ATG9B: variants seen among roughly 807,000 people sequenced by gnomAD.
The protein encoded by ATG9B is autophagy-related protein 9B.
Under a neutral mutation model 92.9 loss-of-function variants are expected in ATG9B, and 92 were observed. That is an observed-to-expected ratio of 0.99 (90% CI 0.84 to 1.18). The LOEUF (loss-of-function observed/expected upper bound fraction) is 1.18, where lower values mean the gene tolerates loss of function less well. Ranked by LOEUF, ATG9B falls within the 50% of genes most tolerant of loss-of-function variation. The probability of loss-of-function intolerance (pLI) is 0.00; values close to 1 mark genes in which losing one functional copy is unlikely to be tolerated. For missense variants in ATG9B, 1,344 were observed against 1,235.0 expected, an observed-to-expected ratio of 1.09 and a Z score of -1.32; for synonymous variants, 599 against 551.4, an observed-to-expected ratio of 1.09 and a Z score of -1.21.
downstream of ATG9B, chr7:151,013,432 G>T (rs1795352312): frequency 1.3e-6 from 2 of 1,564,402 alleles, no homozygotes; most frequent in South Asian, 1.2e-5. Context: ...GAGAGGGGAG[G>T]ACTCGCGCTC....
Position 151,018,147 on chromosome 7 carries a change from A to G in ATG9B, c.1873-97T>C. The G allele has an allele frequency of 1.4e-6, 2 of 1,468,960 alleles. No homozygotes were observed. The highest frequency in any genetic ancestry group is 1.8e-6 in the Non-Finnish European group (2 of 1,108,820). The allele number at this position is 1,468,960 out of a possible 1,614,324, so 91.0% of individuals were successfully genotyped here. A position where few individuals can be genotyped will look rare whatever the true frequency, so the allele number is the denominator to read the frequency against. Reference sequence around the variant, plus strand: ...CCCAGCGACCCTCGCCAGGGCAAGAAGCCTCCCCACCCAGTCACTCCCTAG... The same window carrying G: ...CCCAGCGACCCTCGCCAGGGCAAGAGGCCTCCCCACCCAGTCACTCCCTAG... On this transcript the variant is annotated intron_variant, in intron 7 of 13. Transcript: ENST00000639579. This position sits in a 1 kb window ranked among gnomAD's most constrained non-coding sequence, Gnocchi z 4.7.
downstream of ATG9B, chr7:151,014,129 G>C: frequency 6.2e-7 from 1 of 1,612,192 alleles, no homozygotes; most frequent in Non-Finnish European, 8.5e-7. Flanking sequence ...GCAGTGCCCT[G>C]GGCGTTCGAC....
At chr7:151,020,677 G>C (rs1450166113) in intron 5 of ATG9B, among the ~76,000 whole-genome samples, 2 of 152,254 alleles carry the variant, frequency 1.3e-5, no homozygotes, top group Non-Finnish European at 2.9e-5. Context: ...AGCATAAGCA[G>C]TGGACAGTGA....
intron 9 of ATG9B, 107 bp from the exon 10 acceptor site, chr7:151,016,928 G>A (rs1795516473): frequency 2.7e-6 from 4 of 1,505,654 alleles, no homozygotes; most frequent in East Asian, 4.7e-5. Flanking sequence ...CAGGCTGGGG[G>A]CGGGGGCTGG....
chr7:151,023,733 GGGCACAGA>G lies in ATG9B; in HGVS notation c.551-11_551-4del. The stretch of plus-strand genomic sequence containing the variant: ...GTTCTGGATGTGATGCCAGGAGCCT[GGGCACAGA>G]GGGGAGAGTGTCAGCCCCTGGCATG... On this transcript the variant is annotated splice_polypyrimidine_tract_variant and splice_region_variant and intron_variant, in intron 1 of 13. Transcript: ENST00000639579. 1.9e-6 allele frequency: 3 copies of G among 1,614,032 alleles called. No individual in the cohort carries two copies. The South Asian group carries it at 3.3e-5, about 18-fold the overall frequency.
In ATG9B at chr7:151,023,973, AATCCTGTTCAGGG is replaced by A; in HGVS notation, c.438_450del (p.Pro147MetfsTer109). On this transcript the variant is annotated frameshift_variant, in exon 1 of 14. Coordinates refer to ENST00000639579, the MANE Select transcript of ATG9B (RefSeq NM_001317056.2). LOFTEE classifies it high-confidence loss of function. ...GGGTCACAGTCCTCCAGCCGCTCAT[AATCCTGTTCAGGG>A]ATCAAAGGGCCTACCCGCAGCCCAG... is the stretch of plus-strand genomic sequence containing the variant. The A allele has an allele frequency of 1.3e-6, 2 of 1,591,884 alleles. No individual in the cohort carries two copies. Among genetic ancestry groups the A allele is most frequent in the South Asian group, 2.3e-5 (2 of 88,090 alleles).
downstream of ATG9B, chr7:151,012,835 G>T (rs1795336209): frequency 5.9e-6 from 2 of 337,726 alleles, no homozygotes; most frequent in Non-Finnish European, 1.1e-5. Context: ...TTCATATTGA[G>T]CATGGGGTGC....
rs769869208 is a variant in ATG9B, at chr7:151,018,249, G to C, written c.1872+45C>G. 7 of 1,511,742 alleles carry C rather than the reference G, an allele frequency of 4.6e-6. No homozygotes were observed. The highest frequency in any genetic ancestry group is 6.1e-6 in the Non-Finnish European group (7 of 1,139,374). The allele number at this position is 1,511,742 out of a possible 1,614,324, so 93.6% of individuals were successfully genotyped here. On this transcript the variant is annotated intron_variant, in intron 7 of 13. Coordinates refer to ENST00000639579, the MANE Select transcript of ATG9B (RefSeq NM_001317056.2). The surrounding 1 kb of genome is among the most constrained non-coding windows in gnomAD (Gnocchi z 4.7). Reference sequence around the variant, plus strand: ...CGCAGACAGACCCTCCGCGCAGACAGACCCCACAACTTCCTCCTCAGCCCG... The same window carrying C: ...CGCAGACAGACCCTCCGCGCAGACACACCCCACAACTTCCTCCTCAGCCCG...
chr7:151,013,679 G>GC, downstream of ATG9B: 5 of 738,126 alleles, frequency 6.8e-6, no homozygotes, highest in South Asian at 1.6e-5. Context: ...CTGCGCCCCC[G>GC]CGCCCACCCC....
downstream of ATG9B, chr7:151,015,108 C>T (rs1795426702): frequency 6.6e-6 from 1 of 152,248 alleles, no homozygotes; most frequent in Admixed American, 6.5e-5. Flanking sequence ...CAGCACTCAG[C>T]TGCCAGGAGT....
intron 4 of ATG9B, 134 bp from the exon 5 acceptor site, chr7:151,021,463 C>T (rs561058089): frequency 2.9e-5 from 36 of 1,258,738 alleles, no homozygotes; most frequent in South Asian, 8.3e-5. Flanking sequence ...AGGTAGAGCC[C>T]GGGGCAGGGG....
At position 151,018,816 on chromosome 7, in the gene ATG9B, G is replaced by GGTAGGCGCGGGCCA; in HGVS notation, c.1508_1521dup (p.Arg508TrpfsTer51). 1 of 1,290,460 alleles carries GGTAGGCGCGGGCCA rather than the reference G, an allele frequency of 7.7e-7. No homozygotes were observed. The highest frequency in any genetic ancestry group is 9.8e-7 in the Non-Finnish European group (1 of 1,022,024). The allele number at this position is 1,290,460 out of a possible 1,614,324, so 79.9% of individuals were successfully genotyped here. On this transcript the variant is annotated frameshift_variant, in exon 6 of 14. Transcript: ENST00000639579. LOFTEE classifies it high-confidence loss of function. The surrounding 1 kb of genome is among the most constrained non-coding windows in gnomAD (Gnocchi z 4.7). ...GTGCGCAGGAAGGCGGCGGCGGGGC[G>GGTAGGCGCGGGCCA]GTAGGCGCGGGCCAGGCGCGCGCGC...
At chr7:151,020,908 C>G (rs1038935259) in intron 5 of ATG9B, 8 of 311,020 alleles carry the variant, frequency 2.6e-5, no homozygotes, top group Admixed American at 1.9e-4. Flanking sequence ...TGCCCTTTCT[C>G]TTTTCTCTAA....
downstream of ATG9B, chr7:151,013,773 G>A: frequency 1.9e-6 from 3 of 1,611,514 alleles, no homozygotes; most frequent in Non-Finnish European, 2.5e-6. Flanking sequence ...GAGGTGCACC[G>A]CGTGCTGTGC....
chr7:151,012,218 G>GTTTTTTT, downstream of ATG9B: 1 of 522,028 alleles, frequency 1.9e-6, no homozygotes, highest in East Asian at 4.1e-5. Context: ...GTTGTTTTTT[G>GTTTTTTT]TTTTTTGTTT....
chr7:151,013,167 TG>T, downstream of ATG9B: 1 of 1,544,276 alleles, frequency 6.5e-7, no homozygotes, highest in Non-Finnish European at 8.8e-7. Flanking sequence ...CGGTGGCCTG[TG>T]GGGAGGCCCC....
chr7:151,023,498 G>A lies in ATG9B; in HGVS notation c.606C>T (p.Tyr202=), dbSNP rs1795829894. Residue 202 remains tyrosine, a synonymous_variant, in exon 3 of 14, where the codon TAC becomes TAT. Transcript: ENST00000639579. ...TGCAGGCAAAGCCATTCCGCTGGTG[G>A]TAGCTGTAGATGTGGCTGCGTGTCA... is the stretch of plus-strand genomic sequence containing the variant. ...LDSFFTKIYS[Y]HQRNGFACIL... 1 of 1,612,724 alleles carries A rather than the reference G, an allele frequency of 6.2e-7. No individual in the cohort carries two copies. The highest frequency in any genetic ancestry group is 1.3e-5 in the African/African-American group (1 of 74,880).
At chr7:151,022,760 T>G (rs1795797463) in intron 4 of ATG9B, among the ~76,000 whole-genome samples, 1 of 151,530 alleles carries the variant, frequency 6.6e-6, no homozygotes, top group African/African-American at 2.4e-5. Flanking sequence ...TGCTTGAACC[T>G]GGGAGGTGGA....
In ATG9B at chr7:151,018,193, G is replaced by A. The variant is rs1222999331; in HGVS notation, c.1872+101C>T. 2.7e-6 allele frequency: 4 copies of A among 1,476,814 alleles called. No individual in the cohort carries two copies. The East Asian group carries it at 9.6e-5, about 35-fold the overall frequency. 91.5% of individuals were successfully genotyped at this position (1,476,814 alleles called of 1,614,324 possible). Reference sequence around the variant, plus strand: ...CCTAGACTCCTGGTATAGTCCGTTTGTCTCATGCCCTCTCCCAGACAGACC... The same window carrying A: ...CCTAGACTCCTGGTATAGTCCGTTTATCTCATGCCCTCTCCCAGACAGACC... On this transcript the variant is annotated intron_variant, in intron 7 of 13. Transcript: ENST00000639579. The surrounding 1 kb of genome is among the most constrained non-coding windows in gnomAD (Gnocchi z 4.7).
Sources: gnomAD v4.1 joint callset for allele counts (sites outside exome capture counted in the v4.1 genomes callset) on GRCh38, gnomAD v4.1.1 for gene constraint, Gnocchi (gnomAD v3.1) non-coding constraint, MANE v1.5 for transcripts, NCBI Gene and HGNC (gene_info 2026-07-23, HGNC 2026-07-21) for gene names.